The following IFTAP variants were observed in gnomAD, a reference collection of about 807,000 sequenced individuals.
IFTAP encodes intraflagellar transport associated protein.
Under a neutral mutation model 19.4 loss-of-function variants are expected in IFTAP, and 19 were observed. The ratio of observed to expected loss-of-function variants is 0.98; its 90% CI spans 0.68 to 1.44. The LOEUF (loss-of-function observed/expected upper bound fraction) is 1.44. IFTAP is among the 40% of genes most tolerant of loss of function. IFTAP has a pLI of 0.00. For synonymous variants in IFTAP, 85 were observed against 83.5 expected (o/e 1.02, Z -0.10); for missense variants, 240 against 253.6 (o/e 0.95, Z 0.36).
rs962134766 is a variant in IFTAP at position 36,625,943 on chromosome 11, T to C, written c.137-7341T>C. Reference sequence around the variant, plus strand: ...CAGGTCATAGCAGCACCTGCCCAGCTGAGGACCAGCAAGGAGGCCGGTGTG... The same window carrying C: ...CAGGTCATAGCAGCACCTGCCCAGCCGAGGACCAGCAAGGAGGCCGGTGTG... On this transcript the variant is annotated intron_variant, in intron 2 of 5. Coordinates refer to ENST00000334307, the MANE Select transcript of IFTAP (RefSeq NM_138787.4). Among the ~76,000 whole-genome samples, 5 of 145,376 alleles carry C rather than the reference T, an allele frequency of 3.4e-5. No homozygotes were observed. In the South Asian group the frequency reaches 6.2e-4, roughly 18 times the overall value.
intron 5 of IFTAP, among the ~76,000 whole-genome samples, chr11:36,656,604 A>T (rs901298510): frequency 6.6e-6 from 1 of 151,984 alleles, no homozygotes; most frequent in Non-Finnish European, 1.5e-5. Context: ...AAGCTTCTGC[A>T]CTTTCCTCTC....
chr11:36,655,395 C>T (rs1283454189), intron 5 of IFTAP, among the ~76,000 whole-genome samples: 1 of 152,152 alleles, frequency 6.6e-6, no homozygotes, highest in Non-Finnish European at 1.5e-5. Flanking sequence ...GGTATTCCTT[C>T]TGTGTTCCCA....
chr11:36,615,462 C>T (rs1852045015), intron 2 of IFTAP, among the ~76,000 whole-genome samples: 2 of 47,758 alleles, frequency 4.2e-5, no homozygotes, highest in Non-Finnish European at 7.4e-5. Flanking sequence ...TGAAGAAAGT[C>T]ATTGGTAGCT....
chr11:36,606,842 A>G (rs902699754), intron 1 of IFTAP, among the ~76,000 whole-genome samples: 1 of 152,236 alleles, frequency 6.6e-6, no homozygotes, highest in Non-Finnish European at 1.5e-5. Context: ...TTCTTGTAAT[A>G]AAGTATACAT....
intron 4 of IFTAP, among the ~76,000 whole-genome samples, chr11:36,646,242 T>G (rs1056810034): frequency 5.3e-5 from 8 of 152,164 alleles, no homozygotes; most frequent in African/African-American, 1.7e-4. Context: ...CAGAATTGAT[T>G]TTGATTTCAC....
chr11:36,645,510 T>C (rs1416493310), intron 4 of IFTAP, among the ~76,000 whole-genome samples: 2 of 152,144 alleles, frequency 1.3e-5, no homozygotes, highest in Non-Finnish European at 2.9e-5. Context: ...CATTTCTGTT[T>C]CAGAAAGTTA....
intron 4 of IFTAP, among the ~76,000 whole-genome samples, chr11:36,637,031 TTGA>T (rs1375230557): frequency 6.6e-6 from 1 of 152,078 alleles, no homozygotes; most frequent in Non-Finnish European, 1.5e-5. Context: ...GGTTTGGTTG[TTGA>T]TGTTTAACTA....
chr11:36,614,748 C>T (rs1444387654), intron 2 of IFTAP, among the ~76,000 whole-genome samples: 5 of 148,864 alleles, frequency 3.4e-5, no homozygotes, highest in South Asian at 2.1e-4. Context: ...TGTCCTTCGC[C>T]CACTTTTTGA....
intron 1 of IFTAP, among the ~76,000 whole-genome samples, chr11:36,596,211 G>GTTT (rs1243664769): frequency 0.012 from 1,161 of 100,484 alleles, 38 homozygotes; most frequent in African/African-American, 0.024. Context: ...AGATGGTAGT[G>GTTT]TTTTTTTTTT....
At chr11:36,650,852 A>G (rs1387381013) in intron 5 of IFTAP, among the ~76,000 whole-genome samples, 1 of 152,148 alleles carries the variant, frequency 6.6e-6, no homozygotes, top group African/African-American at 2.4e-5. Context: ...GATGGTTTCC[A>G]GCTTCATCCA....
chr11:36,643,014 C>T (rs1028183216), intron 4 of IFTAP, among the ~76,000 whole-genome samples: 2 of 152,132 alleles, frequency 1.3e-5, no homozygotes, highest in African/African-American at 4.8e-5. Flanking sequence ...CCAGGGCTAT[C>T]AGGCAGGAGA....
intron 4 of IFTAP, among the ~76,000 whole-genome samples, chr11:36,639,834 T>C (rs1308838798): frequency 6.6e-6 from 1 of 152,152 alleles, no homozygotes; most frequent in Non-Finnish European, 1.5e-5. Flanking sequence ...CATAGCAATG[T>C]CCAGTCATTT....
chr11:36,595,512 A>G (rs1409083436), intron 1 of IFTAP, among the ~76,000 whole-genome samples: 1 of 152,250 alleles, frequency 6.6e-6, no homozygotes, highest in Non-Finnish European at 1.5e-5. Context: ...AATTCTTAAT[A>G]TGCTTCAAAA....
intron 4 of IFTAP, among the ~76,000 whole-genome samples, chr11:36,644,778 C>A (rs1853405572): frequency 6.9e-6 from 1 of 143,992 alleles, no homozygotes; most frequent in South Asian, 2.2e-4. Context: ...AATGTTCTCA[C>A]TCATAGGTGG....
In IFTAP at chr11:36,635,977, G is replaced by T. The variant is rs1590222412; in HGVS notation, c.292-74G>T. 6 of 945,310 alleles carry T rather than the reference G, an allele frequency of 6.3e-6. No homozygotes were observed. In the East Asian group the frequency reaches 1.5e-4, roughly 23 times the overall value. 58.6% of individuals were successfully genotyped at this position (945,310 alleles called of 1,614,324 possible). On this transcript the variant is annotated intron_variant, in intron 3 of 5. Coordinates refer to ENST00000334307, the MANE Select transcript of IFTAP (RefSeq NM_138787.4). ...TGCTCAGTTAGGTGTTGTGGAAGTG[G>T]ATTCGTTGACTTTTCACTGCAGTTT...
chr11:36,618,852 A>G (rs1275079547), intron 2 of IFTAP, among the ~76,000 whole-genome samples: 1 of 152,064 alleles, frequency 6.6e-6, no homozygotes, highest in Non-Finnish European at 1.5e-5. Context: ...ATCTGGAGTC[A>G]GGGAGACTAG....
At chr11:36,629,937 T>C (rs373891089) in intron 2 of IFTAP, among the ~76,000 whole-genome samples, 1 of 151,450 alleles carries the variant, frequency 6.6e-6, no homozygotes, top group East Asian at 1.9e-4. Flanking sequence ...ATAACCTACT[T>C]GTTCTCTGAA....
intron 2 of IFTAP, among the ~76,000 whole-genome samples, chr11:36,618,360 G>A (rs1055709703): frequency 6.6e-6 from 1 of 151,938 alleles, no homozygotes; most frequent in African/African-American, 2.4e-5. Context: ...GTAGGGCATC[G>A]GGCAGTTCTT....
At position 36,606,417 on chromosome 11, in the gene IFTAP, C is replaced by T. The variant is rs150850243; in HGVS notation, c.-23-3664C>T. On this transcript the variant is annotated intron_variant, in intron 1 of 5. Transcript: ENST00000334307. ...GGCAGAGGTTGCAGTGAGCCGAGAT[C>T]GCATCAAGAGCGATACTCTGTCTCT... is the stretch of plus-strand genomic sequence containing the variant. Among the ~76,000 whole-genome samples, 68 of 152,162 alleles carry T rather than the reference C, an allele frequency of 4.5e-4. 1 individual carries two copies. In the East Asian group the frequency reaches 9.7e-3, roughly 22 times the overall value.
Sources: gnomAD v4.1 joint callset for allele counts (sites outside exome capture counted in the v4.1 genomes callset) on GRCh38, gnomAD v4.1.1 for gene constraint, MANE v1.5 for transcripts, NCBI Gene and HGNC (gene_info 2026-07-23, HGNC 2026-07-21) for gene names.